Variants in SLC1A1 observed in about 807,000 individuals in gnomAD.
SLC1A1 encodes the protein solute carrier family 1 member 1.
Under a neutral mutation model 53.3 loss-of-function variants are expected in SLC1A1, and 43 were observed. The ratio of observed to expected loss-of-function variants is 0.81; its 90% CI spans 0.63 to 1.04. The LOEUF is 1.04. SLC1A1 is among the 50% of genes least tolerant of loss of function. The probability of loss-of-function intolerance (pLI) is 0.00; values close to 1 mark genes in which losing one functional copy is unlikely to be tolerated. For missense variants in SLC1A1, 748 were observed against 664.9 expected (o/e 1.12, Z -1.37); for synonymous variants, 307 against 243.2 (o/e 1.26, Z -2.44).
intron 1 of SLC1A1, among the ~76,000 whole-genome samples, chr9:4,531,250 G>A (rs900503527): frequency 6.6e-6 from 1 of 152,222 alleles, no homozygotes; most frequent in East Asian, 1.9e-4. Context: ...AGCCGAAGCA[G>A]GGCGAGGCAT....
chr9:4,538,469 T>C (rs1816757251), intron 1 of SLC1A1, among the ~76,000 whole-genome samples: 1 of 152,180 alleles, frequency 6.6e-6, no homozygotes, highest in Non-Finnish European at 1.5e-5. Context: ...GTTGCCAGCT[T>C]GACTTTTCCC....
chr9:4,573,356 G>T (rs2050451365), intron 7 of SLC1A1, among the ~76,000 whole-genome samples: 1 of 152,156 alleles, frequency 6.6e-6, no homozygotes, highest in African/African-American at 2.4e-5. Flanking sequence ...TGTTAAAAAG[G>T]ATAATAAAAG....
chr9:4,562,065 CTTT>C (rs745615028), intron 3 of SLC1A1, among the ~76,000 whole-genome samples: 18,904 of 93,980 alleles, frequency 0.2, 2,049 homozygotes, highest in East Asian at 0.45. Context: ...GCCCTAACTA[CTTT>C]TTTTTTTTTT....
intron 1 of SLC1A1, among the ~76,000 whole-genome samples, chr9:4,543,945 G>A (rs912954606): frequency 2.0e-5 from 3 of 152,132 alleles, no homozygotes; most frequent in Non-Finnish European, 2.9e-5. Context: ...TTCGGAAGTC[G>A]AGGTGGGCAG....
chr9:4,496,088 C>T (rs1355898681), intron 1 of SLC1A1, among the ~76,000 whole-genome samples: 1 of 152,002 alleles, frequency 6.6e-6, no homozygotes, highest in African/African-American at 2.4e-5. Flanking sequence ...ATGAACCTAT[C>T]CTGGGAGAAA....
At chr9:4,576,260 G>A (rs1435901346) in intron 9 of SLC1A1, 137 bp downstream of exon 9, 2 of 846,366 alleles carry the variant, frequency 2.4e-6, no homozygotes, top group Non-Finnish European at 3.9e-6. Flanking sequence ...TCGGCCCCTG[G>A]CCCTGAACAC....
chr9:4,543,079 C>T (rs1817155739), intron 1 of SLC1A1, among the ~76,000 whole-genome samples: 1 of 152,154 alleles, frequency 6.6e-6, no homozygotes, highest in Non-Finnish European at 1.5e-5. Context: ...CAAAATGCAT[C>T]TTGTGAGGTT....
At chr9:4,576,471 G>A in intron 9 of SLC1A1, 98 bp from the exon 10 acceptor site, 2 of 961,772 alleles carry the variant, frequency 2.1e-6, no homozygotes, top group Non-Finnish European at 3.4e-6. Context: ...TACCTAAAAG[G>A]ACCCTTTGTT....
intron 10 of SLC1A1, among the ~76,000 whole-genome samples, chr9:4,577,020 A>T (rs1259517776): frequency 6.6e-6 from 1 of 152,208 alleles, no homozygotes; most frequent in Non-Finnish European, 1.5e-5. Context: ...ACAAAGACTC[A>T]AGGCTGAGTA....
At chr9:4,574,525 G>A (rs1167793212) in intron 8 of SLC1A1, among the ~76,000 whole-genome samples, 1 of 152,162 alleles carries the variant, frequency 6.6e-6, no homozygotes, top group Non-Finnish European at 1.5e-5. Flanking sequence ...GTCAGAGAGG[G>A]TGCCAGGAGA....
chr9:4,567,676 C>G lies in SLC1A1; in HGVS notation c.491C>G (p.Thr164Ser). The change falls in exon 6 of 12, where the codon ACT (threonine) becomes AGT (serine). Residue 164 changes from threonine to serine, a missense_variant. Physicochemically the swap from Thr to Ser is moderately conservative, Grantham distance 58. Transcript: ENST00000262352. ...ATTTTCTCCAACATGCAGTACAAAA[C>G]TAAGCGTGAAGAAGTGAAGCCTCCC... ...LVQACFQQYKTKREEVKPPSD... is the reference protein window; with the variant it reads ...LVQACFQQYKSKREEVKPPSD... 1 of 1,609,500 alleles carries G rather than the reference C, an allele frequency of 6.2e-7. No individual in the cohort carries two copies. Among genetic ancestry groups the G allele is most frequent in the Non-Finnish European group, 8.5e-7 (1 of 1,176,050 alleles).
intron 1 of SLC1A1, among the ~76,000 whole-genome samples, chr9:4,525,392 G>C (rs1358437586): frequency 6.6e-6 from 1 of 152,124 alleles, no homozygotes; most frequent in Non-Finnish European, 1.5e-5. Flanking sequence ...TGGAGGACTT[G>C]AAACTCCTAA....
At position 4,539,124 on chromosome 9, in the gene SLC1A1, C is replaced by T. The variant is rs188714950; in HGVS notation, c.92-5443C>T. Among the ~76,000 whole-genome samples the T allele has an allele frequency of 9.5e-4, 145 of 152,256 alleles. 1 individual carries two copies. The highest frequency in any genetic ancestry group is 3.3e-3 in the African/African-American group (137 of 41,554). On this transcript the variant is annotated intron_variant, in intron 1 of 11. Transcript: ENST00000262352. The stretch of plus-strand genomic sequence containing the variant: ...CATTTAAAAAAACAACAGATGATTT[C>T]AATCTCTTTTCTGCAAATACCCCAA...
intron 1 of SLC1A1, 21 bp downstream of exon 1, chr9:4,490,791 G>T (rs929304983): frequency 6.3e-7 from 1 of 1,595,266 alleles, no homozygotes; most frequent in South Asian, 1.1e-5. Context: ...CGGCGGGTGG[G>T]CGATGCGCGC....
intron 10 of SLC1A1, among the ~76,000 whole-genome samples, chr9:4,577,487 A>G (rs1820663723): frequency 6.6e-6 from 1 of 152,070 alleles, no homozygotes; most frequent in Admixed American, 6.5e-5. Context: ...GTATTTATTT[A>G]TTTTTTGAGA....
At chr9:4,580,356 G>A (rs994430900) in intron 10 of SLC1A1, among the ~76,000 whole-genome samples, 2 of 152,114 alleles carry the variant, frequency 1.3e-5, no homozygotes, top group South Asian at 2.1e-4. Context: ...CAAGGCGGGC[G>A]GATCACTTTA....
At chr9:4,500,321 T>C (rs1377432176) in intron 1 of SLC1A1, among the ~76,000 whole-genome samples, 3 of 152,166 alleles carry the variant, frequency 2.0e-5, no homozygotes, top group Non-Finnish European at 4.4e-5. Context: ...TTGTTTGTTT[T>C]ATTTTGAGAC....
chr9:4,532,688 A>T (rs181129598), intron 1 of SLC1A1, among the ~76,000 whole-genome samples: 1 of 152,204 alleles, frequency 6.6e-6, no homozygotes, highest in African/African-American at 2.4e-5. Flanking sequence ...TCAGGCCAAC[A>T]TTCAAATTCA....
chr9:4,490,558 G>C lies in SLC1A1; in HGVS notation c.-122G>C, dbSNP rs1950585632. On this transcript the variant is annotated 5_prime_UTR_variant, in exon 1 of 12. Transcript: ENST00000262352. ...GGTGGTGACGGCGGCGACTGCAGCGGCCGGCTCTCACCTCTCCCCTGTGCA... is the reference window on the plus strand; with the variant it reads ...GGTGGTGACGGCGGCGACTGCAGCGCCCGGCTCTCACCTCTCCCCTGTGCA... 1 of 634,892 alleles carries C rather than the reference G, an allele frequency of 1.6e-6. No individual in the cohort carries two copies. Among genetic ancestry groups the C allele is most frequent in the African/African-American group, 1.9e-5 (1 of 51,782 alleles). The allele number at this position is 634,892 out of a possible 1,614,324, so 39.3% of individuals were successfully genotyped here.
Sources: gnomAD v4.1 joint callset for allele counts (sites outside exome capture counted in the v4.1 genomes callset) on GRCh38, gnomAD v4.1.1 for gene constraint, MANE v1.5 for transcripts, NCBI Gene and HGNC (gene_info 2026-07-23, HGNC 2026-07-21) for gene names.